The following FCHO2 variants were observed in gnomAD, a reference collection of about 807,000 sequenced individuals.
FCHO2 encodes F-BAR domain only protein 2.
In FCHO2, 43 loss-of-function variants were observed where a neutral mutation model predicts 114.1. The ratio of observed to expected loss-of-function variants is 0.38; its 90% CI spans 0.30 to 0.49. The LOEUF is 0.49. Among genes scored for constraint, FCHO2 ranks in the 20% least tolerant of loss-of-function variants. FCHO2 has a pLI of 0.97. For synonymous variants in FCHO2, 293 were observed against 315.2 expected (o/e 0.93, Z 0.75); for missense variants, 807 against 950.4 (o/e 0.85, Z 1.98).
At chr5:73,077,562 G>T in intron 21 of FCHO2, 69 bp downstream of exon 21, 1 of 1,460,794 alleles carries the variant, frequency 6.8e-7, no homozygotes, top group Non-Finnish European at 9.1e-7. Flanking sequence ...GTGCACAGTG[G>T]CTCACGCCTG....
At chr5:72,996,906 C>T (rs1754145872) in intron 5 of FCHO2, 16 of 1,565,386 alleles carry the variant, frequency 1.0e-5, no homozygotes, top group Admixed American at 9.0e-5. Context: ...GCAGGCAGTG[C>T]CAGGGTCATC....
chr5:73,038,675 C>T (rs1378850235), intron 10 of FCHO2, among the ~76,000 whole-genome samples: 1 of 152,184 alleles, frequency 6.6e-6, no homozygotes, highest in Non-Finnish European at 1.5e-5. Context: ...AAATGACTCT[C>T]TTCCCCTCTC....
At chr5:73,080,579 G>A (rs1743061467) in intron 22 of FCHO2, among the ~76,000 whole-genome samples, 1 of 152,228 alleles carries the variant, frequency 6.6e-6, no homozygotes, top group South Asian at 2.1e-4. Flanking sequence ...GAGTCTGGAA[G>A]GATATATGCC....
intron 17 of FCHO2, among the ~76,000 whole-genome samples, chr5:73,062,814 A>C (rs1360557763): frequency 6.6e-6 from 1 of 151,726 alleles, no homozygotes; most frequent in African/African-American, 2.4e-5. Context: ...TGATTCCTCC[A>C]TTGATGATTA....
intron 8 of FCHO2, among the ~76,000 whole-genome samples, chr5:73,020,540 G>A (rs1755561538): frequency 6.6e-6 from 1 of 152,214 alleles, no homozygotes; most frequent in Non-Finnish European, 1.5e-5. Flanking sequence ...TCAAAGGCAG[G>A]TTTGTGTTGA....
intron 1 of FCHO2, among the ~76,000 whole-genome samples, chr5:72,959,727 G>A (rs1458291619): frequency 1.3e-5 from 2 of 151,530 alleles, no homozygotes; most frequent in Non-Finnish European, 2.9e-5. Context: ...GAGAACCTTT[G>A]ATGTTTTAGG....
At chr5:73,000,197 G>C (rs1754357901) in intron 5 of FCHO2, among the ~76,000 whole-genome samples, 1 of 152,128 alleles carries the variant, frequency 6.6e-6, no homozygotes, top group Non-Finnish European at 1.5e-5. Flanking sequence ...TGCAGGCCAG[G>C]CACGGTGGCT....
At chr5:72,998,441 C>A (rs760181296) in intron 5 of FCHO2, among the ~76,000 whole-genome samples, 1 of 151,444 alleles carries the variant, frequency 6.6e-6, no homozygotes, top group South Asian at 2.1e-4. Flanking sequence ...GAGCCGAGAT[C>A]GAGCCACTGC....
intron 12 of FCHO2, among the ~76,000 whole-genome samples, chr5:73,052,083 C>A (rs186818898): frequency 1.3e-5 from 2 of 151,936 alleles, no homozygotes; most frequent in East Asian, 2.0e-4. Context: ...GCCACCATGC[C>A]GAGCTAATTT....
chr5:72,990,159 TAG>T lies in FCHO2; in HGVS notation c.201-317_201-316del, dbSNP rs367899862. On this transcript the variant is annotated intron_variant, in intron 3 of 25. Transcript: ENST00000430046. ...TTTGATAATAGTTAATTTTTAACAA[TAG>T]ACAGTGATAGAAAGGCTTCTGATAC... is the stretch of plus-strand genomic sequence containing the variant. 5.2e-3 allele frequency among the ~76,000 whole-genome samples: 791 copies of T among 152,056 alleles called. 7 individuals carry two copies. Among genetic ancestry groups the T allele is most frequent in the African/African-American group, 0.018 (748 of 41,564 alleles).
chr5:73,037,349 T>C (rs1756567984), intron 10 of FCHO2, 134 bp downstream of exon 10: 2 of 384,736 alleles, frequency 5.2e-6, no homozygotes. Flanking sequence ...AAAACAAGCC[T>C]TTCTAAATAT....
chr5:73,056,396 A>G (rs990889221), intron 16 of FCHO2, among the ~76,000 whole-genome samples: 1 of 152,312 alleles, frequency 6.6e-6, no homozygotes, highest in Non-Finnish European at 1.5e-5. Flanking sequence ...TTATAGTATC[A>G]TACAGAGTAT....
At chr5:72,959,763 C>T (rs1266907729) in intron 1 of FCHO2, among the ~76,000 whole-genome samples, 2 of 151,554 alleles carry the variant, frequency 1.3e-5, no homozygotes, top group African/African-American at 4.9e-5. Flanking sequence ...CTTCTCTTCT[C>T]TCTCTTCTCT....
intron 2 of FCHO2, among the ~76,000 whole-genome samples, chr5:72,980,903 C>T (rs1561419340): frequency 1.3e-5 from 2 of 152,032 alleles, no homozygotes; most frequent in Non-Finnish European, 1.5e-5. Context: ...ATCCAATTTG[C>T]GAGTCTTTGT....
At chr5:73,031,222 T>C (rs1397879369) in intron 8 of FCHO2, among the ~76,000 whole-genome samples, 2 of 152,208 alleles carry the variant, frequency 1.3e-5, no homozygotes, top group East Asian at 1.9e-4. Context: ...TTGATTTCCA[T>C]TGTTATGAGT....
chr5:73,081,906 G>T lies in FCHO2; in HGVS notation c.2104G>T (p.Val702Leu), dbSNP rs1326373949. The T allele has an allele frequency of 1.2e-6, 2 of 1,612,440 alleles. No individual in the cohort carries two copies. The highest frequency in any genetic ancestry group is 1.7e-6 in the Non-Finnish European group (2 of 1,179,096). The change falls in exon 23 of 26, where the codon GTG becomes TTG. Residue 702 changes from valine (V) to leucine (L), a missense_variant. Transcript: ENST00000430046. ...YNPEAMVAPS[V>L]LSNIQVVVPV... ...TCCAGAAGCTATGGTGGCACCTAGT[G>T]TGCTTTCCAACATACAGGTGGTGGT...
At chr5:72,968,714 T>TAA (rs1284536752) in intron 2 of FCHO2, 125 bp downstream of exon 2, 1 of 650,326 alleles carries the variant, frequency 1.5e-6, no homozygotes, top group Non-Finnish European at 2.4e-6. Context: ...ATATGTACTG[T>TAA]AATTATATCT....
chr5:72,974,960 T>C (rs568838187), intron 2 of FCHO2, among the ~76,000 whole-genome samples: 38 of 152,296 alleles, frequency 2.5e-4, no homozygotes, highest in Admixed American at 1.2e-3. Flanking sequence ...CCTTCACTTA[T>C]GAAGCTTAGT....
At chr5:73,002,730 T>A (rs933351292) in intron 5 of FCHO2, among the ~76,000 whole-genome samples, 2 of 152,248 alleles carry the variant, frequency 1.3e-5, no homozygotes, top group African/African-American at 4.8e-5. Flanking sequence ...ATCACCACGC[T>A]GGGAACTATG....
Sources: gnomAD v4.1 joint callset for allele counts (sites outside exome capture counted in the v4.1 genomes callset) on GRCh38, gnomAD v4.1.1 for gene constraint, MANE v1.5 for transcripts, NCBI Gene and HGNC (gene_info 2026-07-23, HGNC 2026-07-21) for gene names.